The following KPNA5 variants were observed in gnomAD, a reference collection of about 807,000 sequenced individuals.
KPNA5 encodes karyopherin subunit alpha 5, also known as importin subunit alpha-6.
In KPNA5, 46 loss-of-function variants were observed where a neutral mutation model predicts 71.3. The observed-to-expected ratio is 0.65, with a 90% CI of 0.51 to 0.83. The LOEUF is 0.83. Ranked by LOEUF, KPNA5 falls within the 40% of genes least tolerant of loss-of-function variation. The pLI is 0.00. For missense variants in KPNA5, 547 were observed against 628.3 expected (o/e 0.87, Z 1.38); for synonymous variants, 207 against 201.4 (o/e 1.03, Z -0.24).
intron 8 of KPNA5, among the ~76,000 whole-genome samples, chr6:116,721,754 T>C (rs539686156): frequency 6.6e-6 from 1 of 152,278 alleles, no homozygotes; most frequent in South Asian, 2.1e-4. Context: ...ATGTAATGAG[T>C]ACAGTGAGGC....
At chr6:116,718,634 G>A (rs1254905790) in intron 8 of KPNA5, among the ~76,000 whole-genome samples, 1 of 151,804 alleles carries the variant, frequency 6.6e-6, no homozygotes, top group African/African-American at 2.4e-5. Flanking sequence ...TTTGTCTGTT[G>A]TTTACTTATG....
intron 8 of KPNA5, among the ~76,000 whole-genome samples, chr6:116,720,961 C>T (rs1425590765): frequency 3.3e-5 from 5 of 152,172 alleles, no homozygotes; most frequent in Non-Finnish European, 1.5e-5. Flanking sequence ...GATAGACATA[C>T]CTATTATGTA....
At chr6:116,689,987 TGTAA>T (rs1777730799) in intron 2 of KPNA5, among the ~76,000 whole-genome samples, 1 of 152,204 alleles carries the variant, frequency 6.6e-6, no homozygotes, top group East Asian at 1.9e-4. Context: ...TAGAAGTATT[TGTAA>T]GTAAGTAAAA....
At chr6:116,727,120 T>C (rs749380844) in intron 12 of KPNA5, among the ~76,000 whole-genome samples, 22 of 152,034 alleles carry the variant, frequency 1.4e-4, no homozygotes, top group Non-Finnish European at 2.5e-4. Flanking sequence ...GTCTAGGCTT[T>C]TTAAATTTAT....
intron 1 of KPNA5, among the ~76,000 whole-genome samples, chr6:116,683,091 G>C (rs914183285): frequency 7.9e-5 from 12 of 152,334 alleles, no homozygotes; most frequent in Admixed American, 6.5e-4. Flanking sequence ...TAGCGCCTTT[G>C]TATGTGTGCG....
rs1778872062 is a variant in KPNA5, at chr6:116,716,080, A to G, written c.657-139A>G. The G allele has an allele frequency of 3.0e-5, 19 of 636,042 alleles. 1 individual carries two copies. Among genetic ancestry groups the G allele is most frequent in the Middle Eastern group, 8.7e-4 (2 of 2,302 alleles). 39.4% of individuals were successfully genotyped at this position (636,042 alleles called of 1,614,324 possible). A position where few individuals can be genotyped will look rare whatever the true frequency, so the allele number is the denominator to read the frequency against. On this transcript the variant is annotated intron_variant, in intron 7 of 13. Transcript: ENST00000368564. Reference sequence around the variant, plus strand: ...TGCTTATTTAGCTTGTGAAAACATAATGAATTTTAGATTCTTTTTTCCTAT... The same window carrying G: ...TGCTTATTTAGCTTGTGAAAACATAGTGAATTTTAGATTCTTTTTTCCTAT...
At chr6:116,707,602 C>T (rs544223763) in intron 7 of KPNA5, among the ~76,000 whole-genome samples, 3 of 152,204 alleles carry the variant, frequency 2.0e-5, no homozygotes, top group South Asian at 2.1e-4. Flanking sequence ...GTAATAAAAA[C>T]GAGAAGGAGG....
At position 116,689,437 on chromosome 6, in the gene KPNA5, A is replaced by G; in HGVS notation, c.122A>G (p.Gln41Arg). The change falls in exon 2 of 14, where the codon CAA (glutamine) becomes CGA (arginine). Residue 41 changes from glutamine to arginine, a missense_variant. Coordinates refer to ENST00000368564, the MANE Select transcript of KPNA5 (RefSeq NM_001366306.2). ...GAAGAAGGAATACAGCTTAGAAAAC[A>G]AAAAAGAGAAGAACAGGTAGGTGTT... is the stretch of plus-strand genomic sequence containing the variant. ...REEEGIQLRK[Q>R]KREEQLFKRR... 6.3e-7 allele frequency: 1 copy of G among 1,583,312 alleles called. No homozygotes were observed. Among genetic ancestry groups the G allele is most frequent in the Non-Finnish European group, 8.5e-7 (1 of 1,170,160 alleles).
chr6:116,727,151 A>G (rs1779320974), intron 12 of KPNA5, among the ~76,000 whole-genome samples: 1 of 151,980 alleles, frequency 6.6e-6, no homozygotes, highest in African/African-American at 2.4e-5. Context: ...GACAATGTAA[A>G]TAATAGGTGC....
chr6:116,705,229 T>A, intron 7 of KPNA5, 69 bp downstream of exon 7: 1 of 1,192,816 alleles, frequency 8.4e-7, no homozygotes, highest in Non-Finnish European at 1.2e-6. Flanking sequence ...CATACATAAT[T>A]AAGTTCTTCA....
At chr6:116,693,184 C>T (rs897372225) in intron 4 of KPNA5, among the ~76,000 whole-genome samples, 20 of 152,060 alleles carry the variant, frequency 1.3e-4, no homozygotes, top group African/African-American at 4.4e-4. Context: ...TGAATAGTGC[C>T]GCAATGAACA....
intron 13 of KPNA5, among the ~76,000 whole-genome samples, chr6:116,730,664 A>G (rs1195178388): frequency 2.0e-5 from 3 of 152,162 alleles, no homozygotes; most frequent in African/African-American, 7.2e-5. Context: ...CTGGCATTGT[A>G]TGAATCTATT....
At chr6:116,712,885 A>G (rs909616536) in intron 7 of KPNA5, among the ~76,000 whole-genome samples, 1 of 152,060 alleles carries the variant, frequency 6.6e-6, no homozygotes, top group Non-Finnish European at 1.5e-5. Flanking sequence ...AAGGAGTATA[A>G]TTAACACTTT....
At chr6:116,713,818 C>A (rs1344288432) in intron 7 of KPNA5, among the ~76,000 whole-genome samples, 1 of 152,102 alleles carries the variant, frequency 6.6e-6, no homozygotes, top group African/African-American at 2.4e-5. Flanking sequence ...TGCTGTCAAA[C>A]CCCTATAGTG....
chr6:116,709,138 GT>G (rs1778556377), intron 7 of KPNA5, among the ~76,000 whole-genome samples: 1 of 152,124 alleles, frequency 6.6e-6, no homozygotes, highest in Admixed American at 6.6e-5. Context: ...AACACTAATA[GT>G]TTTTTTGTAG....
intron 12 of KPNA5, among the ~76,000 whole-genome samples, chr6:116,727,979 A>C (rs1283713308): frequency 6.6e-6 from 1 of 152,126 alleles, no homozygotes; most frequent in Non-Finnish European, 1.5e-5. Context: ...TATTTTATAA[A>C]TCACATAATT....
At chr6:116,718,462 C>G (rs1778982335) in intron 8 of KPNA5, among the ~76,000 whole-genome samples, 1 of 151,938 alleles carries the variant, frequency 6.6e-6, no homozygotes, top group African/African-American at 2.4e-5. Flanking sequence ...AGGGTTTCAC[C>G]ATGTTGGTCA....
In KPNA5 at chr6:116,739,304, C is replaced by A. The variant is rs1779784488; in HGVS notation, c.*6981C>A. On this transcript the variant is annotated 3_prime_UTR_variant, in exon 14 of 14. Transcript: ENST00000368564. Reference sequence around the variant, plus strand: ...TCCAACTTACAAGGGACGTGAAGGACCTCTTCAAGGAGAACTACAAACCAC... The same window carrying A: ...TCCAACTTACAAGGGACGTGAAGGAACTCTTCAAGGAGAACTACAAACCAC... 6.6e-6 allele frequency: 1 copy of A among 152,026 alleles called. No homozygotes were observed. Among genetic ancestry groups the A allele is most frequent in the African/African-American group, 2.4e-5 (1 of 41,394 alleles). 9.4% of individuals were successfully genotyped at this position (152,026 alleles called of 1,614,324 possible). A position where few individuals can be genotyped will look rare whatever the true frequency, so the allele number is the denominator to read the frequency against.
intron 11 of KPNA5, among the ~76,000 whole-genome samples, chr6:116,726,088 C>T (rs1779278724): frequency 9.7e-6 from 1 of 102,702 alleles, no homozygotes; most frequent in South Asian, 3.5e-4. Flanking sequence ...GTGTGTCTAG[C>T]ACAGTGCCTG....
Sources: allele counts gnomAD v4.1 joint callset (sites outside exome capture counted in the v4.1 genomes callset), GRCh38; gene constraint gnomAD v4.1.1; transcripts MANE v1.5; gene names NCBI Gene and HGNC (gene_info 2026-07-23, HGNC 2026-07-21).